FIG4: variants seen among roughly 807,000 people sequenced by gnomAD.
The protein encoded by FIG4 is FIG4 phosphoinositide 5-phosphatase.
Under a neutral mutation model 118.6 loss-of-function variants are expected in FIG4, and 112 were observed. The observed-to-expected ratio is 0.94, with a 90% CI of 0.81 to 1.11. The LOEUF (loss-of-function observed/expected upper bound fraction) is 1.11. Ranked by LOEUF, FIG4 falls within the 50% of genes least tolerant of loss-of-function variation. The pLI is 0.00. For synonymous variants in FIG4, 369 were observed against 381.2 expected (o/e 0.97, Z 0.37); for missense variants, 969 against 1,111.7 (o/e 0.87, Z 1.83).
At chr6:109,781,779 T>TTTTTTTTTTTTTTTTTTTTTTTTG (rs1554307140) in intron 16 of FIG4, among the ~76,000 whole-genome samples, 4 of 145,876 alleles carry the variant, frequency 2.7e-5, no homozygotes, top group Non-Finnish European at 6.2e-5. Context: ...TCTTCAGATT[T>TTTTTTTTTTTTTTTTTTTTTTTTG]AATCAGTTGA....
chr6:109,781,107 C>T lies in FIG4; in HGVS notation c.1890-3863C>T, dbSNP rs58193375. On this transcript the variant is annotated intron_variant, in intron 16 of 22. Coordinates refer to ENST00000230124, the MANE Select transcript of FIG4 (RefSeq NM_014845.6). ...GAGAGGTAATCTGGCCTATGCTTGA[C>T]AAGTTCTTGTTTGTCAACTGTTGAA... Among the ~76,000 whole-genome samples the T allele has an allele frequency of 8.8e-3, 1,345 of 152,322 alleles. 19 individuals carry two copies. Among genetic ancestry groups the T allele is most frequent in the African/African-American group, 0.031 (1,294 of 41,568 alleles).
intron 4 of FIG4, among the ~76,000 whole-genome samples, chr6:109,730,593 A>G (rs985878154): frequency 6.6e-6 from 1 of 152,204 alleles, no homozygotes; most frequent in Non-Finnish European, 1.5e-5. Flanking sequence ...GATGGGGGTC[A>G]ATGAACAGTG....
intron 10 of FIG4, among the ~76,000 whole-genome samples, chr6:109,754,930 A>G (rs1211928321): frequency 6.6e-6 from 1 of 151,054 alleles, no homozygotes; most frequent in South Asian, 2.1e-4. Flanking sequence ...TTTTGTCTCT[A>G]TTTCCTTCAG....
chr6:109,762,314 G>C (rs140695679), intron 12 of FIG4, 107 bp downstream of exon 12: 31 of 740,396 alleles, frequency 4.2e-5, no homozygotes, highest in East Asian at 7.9e-5. Flanking sequence ...TTTAGTCCTG[G>C]GGGGAGGCAC....
chr6:109,725,765 T>C (rs1039078740), intron 3 of FIG4, among the ~76,000 whole-genome samples: 83 of 152,356 alleles, frequency 5.4e-4, no homozygotes, highest in African/African-American at 1.9e-3. Flanking sequence ...CATCTGTTGT[T>C]TCCTGACTTT....
At chr6:109,803,868 G>A (rs1583758432) in intron 22 of FIG4, among the ~76,000 whole-genome samples, 1 of 148,176 alleles carries the variant, frequency 6.7e-6, no homozygotes, top group East Asian at 2.0e-4. Flanking sequence ...AACATGCTGT[G>A]TTTGATAGTT....
chr6:109,756,952 C>A (rs550182043), intron 10 of FIG4, among the ~76,000 whole-genome samples: 2 of 152,208 alleles, frequency 1.3e-5, no homozygotes, highest in African/African-American at 2.4e-5. Context: ...AGTCATTCTC[C>A]GTCCAGCTTT....
Position 109,767,002 on chromosome 6 carries a change from GT to G in FIG4, c.1750+110del, listed in dbSNP as rs1385997601. 4 of 936,344 alleles carry G rather than the reference GT, an allele frequency of 4.3e-6. No individual in the cohort carries two copies. In the African/African-American group the frequency reaches 6.6e-5, roughly 16 times the overall value. 58.0% of individuals were successfully genotyped at this position (936,344 alleles called of 1,614,324 possible). On this transcript the variant is annotated intron_variant, in intron 15 of 22. Coordinates refer to ENST00000230124, the MANE Select transcript of FIG4 (RefSeq NM_014845.6). ...GAAATTAAAATTTAATATTTTAAAAGTTTAAATAAAACAGTCTGTCACTTAG... is the reference window on the plus strand; with the variant it reads ...GAAATTAAAATTTAATATTTTAAAAGTTAAATAAAACAGTCTGTCACTTAG...
chr6:109,704,535 G>A (rs559022387), intron 1 of FIG4, among the ~76,000 whole-genome samples: 1 of 152,142 alleles, frequency 6.6e-6, no homozygotes, highest in Admixed American at 6.5e-5. Flanking sequence ...ACGTGTCATG[G>A]TGCACGTCTG....
At chr6:109,733,531 G>T (rs1776071733) in intron 5 of FIG4, among the ~76,000 whole-genome samples, 1 of 151,968 alleles carries the variant, frequency 6.6e-6, no homozygotes, top group African/African-American at 2.4e-5. Context: ...AGGGTGCTTT[G>T]CATTAAAAAT....
intron 16 of FIG4, among the ~76,000 whole-genome samples, chr6:109,779,872 T>C (rs1777744243): frequency 6.6e-6 from 1 of 152,204 alleles, no homozygotes; most frequent in Non-Finnish European, 1.5e-5. Flanking sequence ...GTATGTGGCC[T>C]GCGACCCATT....
At chr6:109,775,485 G>A (rs1383276157) in intron 15 of FIG4, among the ~76,000 whole-genome samples, 1 of 152,164 alleles carries the variant, frequency 6.6e-6, no homozygotes, top group Non-Finnish European at 1.5e-5. Context: ...AAATGTGGCT[G>A]AAAAGTGCAA....
At chr6:109,720,445 T>C (rs1360724566) in intron 3 of FIG4, among the ~76,000 whole-genome samples, 1 of 152,268 alleles carries the variant, frequency 6.6e-6, no homozygotes, top group Non-Finnish European at 1.5e-5. Context: ...TGGAATGTTT[T>C]GGATTGTTGT....
chr6:109,810,510 A>G (rs1041236089), intron 22 of FIG4, among the ~76,000 whole-genome samples: 11 of 152,122 alleles, frequency 7.2e-5, no homozygotes, highest in Admixed American at 4.6e-4. Flanking sequence ...CCTTCATTCA[A>G]TAATAATTGA....
intron 15 of FIG4, among the ~76,000 whole-genome samples, chr6:109,772,518 G>C (rs935453882): frequency 6.6e-6 from 1 of 152,016 alleles, no homozygotes; most frequent in Non-Finnish European, 1.5e-5. Flanking sequence ...GTGCAATGGC[G>C]CAATCTCGGC....
intron 10 of FIG4, among the ~76,000 whole-genome samples, chr6:109,759,822 C>T (rs138531757): frequency 9.6e-4 from 147 of 152,336 alleles, no homozygotes; most frequent in African/African-American, 3.4e-3. Flanking sequence ...TGAGAAGCTG[C>T]TTTCTGCTGT....
At chr6:109,731,716 T>C (rs1776006961) in intron 4 of FIG4, among the ~76,000 whole-genome samples, 1 of 152,198 alleles carries the variant, frequency 6.6e-6, no homozygotes, top group Non-Finnish European at 1.5e-5. Context: ...TTGTGCATTA[T>C]GTGCAAATAC....
chr6:109,763,950 G>A lies in FIG4; in HGVS notation c.1402G>A (p.Gly468Arg). The change falls in exon 13 of 23, where the codon GGA becomes AGA. Residue 468 changes from glycine (G) to arginine (R), a missense_variant. Transcript: ENST00000230124. ...TTTTAAACACAGGTGGAATGAACTA[G>A]GAGGATGTGTGATTCCCACTGGTCG... ...LRPDEKWNEL[G>R]GCVIPTGRLQ... 1 of 1,609,796 alleles carries A rather than the reference G, an allele frequency of 6.2e-7. No homozygotes were observed. The highest frequency in any genetic ancestry group is 8.5e-7 in the Non-Finnish European group (1 of 1,176,062).
intron 3 of FIG4, among the ~76,000 whole-genome samples, chr6:109,725,769 T>TGG (rs1236270770): frequency 6.6e-6 from 1 of 152,236 alleles, no homozygotes; most frequent in African/African-American, 2.4e-5. Context: ...TGTTGTTTCC[T>TGG]GACTTTTAAA....
Sources: allele counts gnomAD v4.1 joint callset (sites outside exome capture counted in the v4.1 genomes callset), GRCh38; gene constraint gnomAD v4.1.1; transcripts MANE v1.5; gene names NCBI Gene and HGNC (gene_info 2026-07-23, HGNC 2026-07-21).